The following SORCS1 variants were observed in gnomAD, a reference collection of about 807,000 sequenced individuals.
SORCS1 encodes VPS10 domain-containing receptor SorCS1.
SORCS1 carries 60 observed loss-of-function variants against 146.1 expected under a neutral mutation model. The observed-to-expected ratio is 0.41, with a 90% confidence interval of 0.33 to 0.51. The LOEUF (loss-of-function observed/expected upper bound fraction) is 0.51. Ranked by LOEUF, SORCS1 falls within the 20% of genes least tolerant of loss-of-function variation. SORCS1 has a pLI of 0.21. For missense variants in SORCS1, 1,352 were observed against 1,487.6 expected, an observed-to-expected ratio of 0.91 and a Z score of 1.50; for synonymous variants, 637 against 584.0, an observed-to-expected ratio of 1.09 and a Z score of -1.31.
intron 1 of SORCS1, among the ~76,000 whole-genome samples, chr10:107,035,938 T>C (rs954008682): frequency 6.0e-5 from 9 of 148,896 alleles, no homozygotes; most frequent in African/African-American, 2.2e-4. Context: ...TTATAACATA[T>C]ATATAATATA....
At chr10:106,595,303 T>C (rs919523219) in intron 24 of SORCS1, among the ~76,000 whole-genome samples, 3 of 152,158 alleles carry the variant, frequency 2.0e-5, no homozygotes, top group Non-Finnish European at 4.4e-5. Context: ...ACTCGGTAAA[T>C]ATCTGTTCAA....
At chr10:106,628,394 G>T (rs143099605) in intron 19 of SORCS1, among the ~76,000 whole-genome samples, 1 of 152,184 alleles carries the variant, frequency 6.6e-6, no homozygotes, top group East Asian at 1.9e-4. Flanking sequence ...ACTAAAACTT[G>T]ATATTTGAAC....
chr10:107,139,048 C>T (rs906672214), intron 1 of SORCS1, among the ~76,000 whole-genome samples: 4 of 152,176 alleles, frequency 2.6e-5, no homozygotes, highest in Non-Finnish European at 2.9e-5. Flanking sequence ...CAAAGTTTCT[C>T]CAATCTAATT....
intron 6 of SORCS1, among the ~76,000 whole-genome samples, chr10:106,713,355 A>C (rs1589719408): frequency 6.6e-6 from 1 of 152,382 alleles, no homozygotes; most frequent in South Asian, 2.1e-4. Flanking sequence ...ATTTCCAACT[A>C]GAATTTTTAA....
chr10:106,799,355 GC>G (rs1381263257), intron 3 of SORCS1, among the ~76,000 whole-genome samples: 11 of 152,122 alleles, frequency 7.2e-5, no homozygotes, highest in Non-Finnish European at 1.6e-4. Context: ...AAAAGCAATG[GC>G]AACAAAAGCC....
At chr10:107,001,288 A>G (rs563580781) in intron 1 of SORCS1, among the ~76,000 whole-genome samples, 197 of 152,254 alleles carry the variant, frequency 1.3e-3, no homozygotes, top group African/African-American at 4.5e-3. Flanking sequence ...ATGAAATGTC[A>G]TTACCTCTTT....
intron 2 of SORCS1, among the ~76,000 whole-genome samples, chr10:106,889,964 T>C (rs1951167105): frequency 6.6e-6 from 1 of 151,486 alleles, no homozygotes; most frequent in South Asian, 2.1e-4. Flanking sequence ...TCTGATGACT[T>C]TACACTACTA....
intron 23 of SORCS1, among the ~76,000 whole-genome samples, chr10:106,601,929 G>C (rs1354670457): frequency 6.6e-6 from 1 of 152,172 alleles, no homozygotes; most frequent in Non-Finnish European, 1.5e-5. Flanking sequence ...CATGTACCCT[G>C]AAAGCAGTGG....
chr10:107,135,729 T>C (rs958458420), intron 1 of SORCS1, among the ~76,000 whole-genome samples: 1 of 152,238 alleles, frequency 6.6e-6, no homozygotes, highest in Non-Finnish European at 1.5e-5. Context: ...GAGAATATTA[T>C]AATGAAACGA....
chr10:106,650,411 T>G (rs759611370), intron 18 of SORCS1, among the ~76,000 whole-genome samples: 3 of 152,206 alleles, frequency 2.0e-5, no homozygotes, highest in Non-Finnish European at 4.4e-5. Context: ...ATTCAAATCT[T>G]TATCTCCCCG....
chr10:106,750,517 T>G (rs1004795005), intron 5 of SORCS1, among the ~76,000 whole-genome samples: 4 of 144,042 alleles, frequency 2.8e-5, no homozygotes, highest in Admixed American at 7.0e-5. Context: ...GATTACGAGA[T>G]AGGAGATCGA....
chr10:106,801,944 C>T (rs1946923003), intron 3 of SORCS1, among the ~76,000 whole-genome samples: 1 of 152,192 alleles, frequency 6.6e-6, no homozygotes, highest in Non-Finnish European at 1.5e-5. Flanking sequence ...GTTAGTTTAG[C>T]TCTAGTGTCA....
chr10:106,733,400 A>G (rs1208421150), intron 5 of SORCS1, among the ~76,000 whole-genome samples: 1 of 152,160 alleles, frequency 6.6e-6, no homozygotes, highest in East Asian at 1.9e-4. Context: ...TGCTGCTTTT[A>G]CTTTATGGCC....
At chr10:106,777,013 TC>T (rs1317102348) in intron 3 of SORCS1, among the ~76,000 whole-genome samples, 1 of 152,212 alleles carries the variant, frequency 6.6e-6, no homozygotes, top group Non-Finnish European at 1.5e-5. Flanking sequence ...TTACCCTTCT[TC>T]CCTTCTTCCT....
intron 1 of SORCS1, among the ~76,000 whole-genome samples, chr10:107,046,975 G>GTATTT (rs1174005783): frequency 1.6e-4 from 24 of 152,176 alleles, no homozygotes; most frequent in Non-Finnish European, 2.8e-4. Flanking sequence ...TTGTTTTGCT[G>GTATTT]TATTTTATTT....
chr10:107,032,002 C>T (rs991819481), intron 1 of SORCS1, among the ~76,000 whole-genome samples: 8 of 152,054 alleles, frequency 5.3e-5, no homozygotes, highest in East Asian at 1.9e-4. Context: ...ATGCACAGTC[C>T]GGCATACCAG....
chr10:106,934,288 C>T (rs902173273), intron 2 of SORCS1, among the ~76,000 whole-genome samples: 5 of 151,576 alleles, frequency 3.3e-5, no homozygotes, highest in African/African-American at 7.3e-5. Flanking sequence ...GATGGAGTCG[C>T]GCACTGTCAC....
At chr10:106,673,469 A>C (rs960566204) in intron 14 of SORCS1, among the ~76,000 whole-genome samples, 1 of 152,186 alleles carries the variant, frequency 6.6e-6, no homozygotes, top group East Asian at 1.9e-4. Flanking sequence ...GCAGATAGAT[A>C]ATATGAGATT....
intron 1 of SORCS1, among the ~76,000 whole-genome samples, chr10:106,956,829 G>C (rs1194067192): frequency 6.6e-6 from 1 of 152,216 alleles, no homozygotes; most frequent in Non-Finnish European, 1.5e-5. Flanking sequence ...TGCTCCTGCA[G>C]GCATTTCTTT....
Sources: allele counts gnomAD v4.1 joint callset (sites outside exome capture counted in the v4.1 genomes callset), GRCh38; gene constraint gnomAD v4.1.1; transcripts MANE v1.5; gene names NCBI Gene and HGNC (gene_info 2026-07-23, HGNC 2026-07-21).